TRABD2A: variants seen among roughly 807,000 people sequenced by gnomAD.
TRABD2A encodes metalloprotease TIKI1.
TRABD2A carries 43 observed loss-of-function variants against 45.6 expected under a neutral mutation model. The ratio of observed to expected loss-of-function variants is 0.94; its 90% CI spans 0.74 to 1.22. The LOEUF is 1.22. Ranked by LOEUF, TRABD2A falls within the 50% of genes most tolerant of loss-of-function variation. The pLI, the probability that TRABD2A is intolerant of heterozygous loss-of-function variation, is 0.00. For synonymous variants in TRABD2A, 269 were observed against 265.0 expected (o/e 1.02, Z -0.15); for missense variants, 642 against 652.4 (o/e 0.98, Z 0.17).
At chr2:84,823,656 A>T (rs142236650) in intron 6 of TRABD2A, among the ~76,000 whole-genome samples, 130 of 152,276 alleles carry the variant, frequency 8.5e-4, no homozygotes, top group African/African-American at 3.0e-3. Flanking sequence ...AAGATATGAA[A>T]TATCTAGTTC....
intron 5 of TRABD2A, among the ~76,000 whole-genome samples, chr2:84,825,844 C>A (rs1681130906): frequency 6.6e-6 from 1 of 152,146 alleles, no homozygotes; most frequent in South Asian, 2.1e-4. Flanking sequence ...GGATCGCAAA[C>A]CCTGTTGTGA....
intron 4 of TRABD2A, chr2:84,835,050 T>C (rs1415886166): frequency 6.6e-6 from 1 of 152,228 alleles, no homozygotes; most frequent in African/African-American, 2.4e-5. Context: ...ACCAAAACTT[T>C]TTACTCTCCA....
intron 2 of TRABD2A, among the ~76,000 whole-genome samples, chr2:84,866,323 A>G (rs962888448): frequency 6.6e-6 from 1 of 152,206 alleles, no homozygotes; most frequent in African/African-American, 2.4e-5. Context: ...TCCATATGGT[A>G]TTTCTCAATT....
chr2:84,879,732 G>T, intron 1 of TRABD2A: 1 of 386,180 alleles, frequency 2.6e-6, no homozygotes, highest in Non-Finnish European at 3.5e-6. Flanking sequence ...GCCTGGTGCA[G>T]ACTCCCCTCT....
intron 1 of TRABD2A, among the ~76,000 whole-genome samples, chr2:84,876,650 C>T (rs1435014538): frequency 6.6e-5 from 10 of 152,172 alleles, no homozygotes; most frequent in South Asian, 6.2e-4. Context: ...AGCTTTTAAA[C>T]GCCATATTTA....
rs200442046 is a variant in TRABD2A, at chr2:84,839,208, C to T, written c.932G>A (p.Arg311Gln). The change falls in exon 4 of 7, where the codon CGG (arginine) becomes CAG (glutamine). Residue 311 changes from arginine (R) to glutamine (Q), a missense_variant. Physicochemically the swap from Arg to Gln is conservative, Grantham distance 43. Transcript: ENST00000409520. Reference sequence around the variant, plus strand: ...GAACTCCTCCAAAAGGGCCTTCACCCGCTTCCCTATTCTCTCATTCCGCTT... The same window carrying T: ...GAACTCCTCCAAAAGGGCCTTCACCTGCTTCCCTATTCTCTCATTCCGCTT... Reference protein sequence around the residue: ...IYKRNERIGKRVKALLEEFPD... With the variant: ...IYKRNERIGKQVKALLEEFPD... 22 of 1,613,948 alleles carry T rather than the reference C, an allele frequency of 1.4e-5. No homozygotes were observed. In the East Asian group the frequency reaches 2.0e-4, roughly 15 times the overall value.
chr2:84,855,081 T>C (rs1682230133), intron 2 of TRABD2A, among the ~76,000 whole-genome samples: 1 of 152,128 alleles, frequency 6.6e-6, no homozygotes, highest in South Asian at 2.1e-4. Flanking sequence ...CCTGACTCGA[T>C]GATATGGCAC....
intron 2 of TRABD2A, among the ~76,000 whole-genome samples, chr2:84,863,053 C>T (rs1236437502): frequency 1.3e-5 from 2 of 152,074 alleles, no homozygotes; most frequent in Non-Finnish European, 2.9e-5. Context: ...ATGTGAAAGC[C>T]GGGACATGGT....
chr2:84,838,372 T>C, intron 4 of TRABD2A: 1 of 614,050 alleles, frequency 1.6e-6, no homozygotes, highest in Non-Finnish European at 3.0e-6. Flanking sequence ...TTTCCAGAGC[T>C]GTGGAAAAGT....
chr2:84,857,345 G>A (rs1291214202), intron 2 of TRABD2A, among the ~76,000 whole-genome samples: 1 of 152,152 alleles, frequency 6.6e-6, no homozygotes, highest in Non-Finnish European at 1.5e-5. Flanking sequence ...TGCTTGGTAG[G>A]TAAGTTTCCT....
At chr2:84,853,201 A>C (rs1682159830) in intron 2 of TRABD2A, among the ~76,000 whole-genome samples, 1 of 152,114 alleles carries the variant, frequency 6.6e-6, no homozygotes, top group South Asian at 2.1e-4. Flanking sequence ...AGAAACACCC[A>C]CCGAGAACAC....
chr2:84,880,268 G>T (rs1559102254), intron 1 of TRABD2A, among the ~76,000 whole-genome samples: 1 of 151,872 alleles, frequency 6.6e-6, no homozygotes, highest in Non-Finnish European at 1.5e-5. Flanking sequence ...AGGTCACTGA[G>T]CCTCCCTTGC....
At chr2:84,859,569 T>C (rs376757125) in intron 2 of TRABD2A, among the ~76,000 whole-genome samples, 1 of 152,230 alleles carries the variant, frequency 6.6e-6, no homozygotes, top group Non-Finnish European at 1.5e-5. Flanking sequence ...GCAGACGCTA[T>C]GAGTTCAGGA....
chr2:84,823,977 T>G lies in TRABD2A; in HGVS notation c.1310A>C (p.Asp437Ala), dbSNP rs570295886. Residue 437 changes from aspartate (D) to alanine (A), a missense_variant, in exon 6 of 7, where the codon GAT (aspartate) becomes GCT (alanine). Transcript: ENST00000409520. Reference sequence around the variant, plus strand: ...CCTCTCCTCCAGGCGGACCCACAGATCGCTGAATTGCCGGAGTCGCGGCCT... The same window carrying G: ...CCTCTCCTCCAGGCGGACCCACAGAGCGCTGAATTGCCGGAGTCGCGGCCT... Reference protein sequence around the residue: ...QRRPRLRQFSDLWVRLEESDI... With the variant: ...QRRPRLRQFSALWVRLEESDI... 1.9e-6 allele frequency: 3 copies of G among 1,613,776 alleles called. No individual in the cohort carries two copies. The highest frequency in any genetic ancestry group is 2.5e-6 in the Non-Finnish European group (3 of 1,179,906).
chr2:84,876,419 G>T (rs935715956), intron 1 of TRABD2A, among the ~76,000 whole-genome samples: 14 of 152,254 alleles, frequency 9.2e-5, no homozygotes, highest in African/African-American at 3.1e-4. Flanking sequence ...AATCAGAAGA[G>T]TAGGAGGCCG....
intron 2 of TRABD2A, among the ~76,000 whole-genome samples, chr2:84,869,085 A>T (rs983433054): frequency 6.6e-6 from 1 of 152,232 alleles, no homozygotes; most frequent in African/African-American, 2.4e-5. Context: ...AGCAAGATAA[A>T]TTCCCTAAAG....
At chr2:84,836,091 G>C (rs948714740) in intron 4 of TRABD2A, 1 of 152,100 alleles carries the variant, frequency 6.6e-6, no homozygotes, top group Admixed American at 6.5e-5. Context: ...GTCACACTGG[G>C]AGGCAAGAAA....
intron 4 of TRABD2A, chr2:84,833,516 G>A (rs1019363815): frequency 2.6e-5 from 4 of 152,086 alleles, no homozygotes; most frequent in African/African-American, 9.7e-5. Flanking sequence ...AGATCCCCAT[G>A]ACAAAAGTCG....
chr2:84,862,621 T>C (rs1421530541), intron 2 of TRABD2A, among the ~76,000 whole-genome samples: 41 of 152,128 alleles, frequency 2.7e-4, no homozygotes, highest in Admixed American at 2.7e-3. Context: ...TCTTGGTTTT[T>C]TTTAAGTTCG....
Sources: allele counts gnomAD v4.1 joint callset (sites outside exome capture counted in the v4.1 genomes callset), GRCh38; gene constraint gnomAD v4.1.1; transcripts MANE v1.5; gene names NCBI Gene and HGNC (gene_info 2026-07-23, HGNC 2026-07-21).